Variants in MFHAS1 observed in about 807,000 individuals in gnomAD.
MFHAS1 encodes multifunctional ROCO family signaling regulator 1, also known as malignant fibrous histiocytoma-amplified sequence 1.
A neutral mutation model predicts 70.4 loss-of-function variants in MFHAS1; 50 were observed. The observed-to-expected ratio is 0.71, with a 90% confidence interval of 0.57 to 0.90. The LOEUF (loss-of-function observed/expected upper bound fraction) is 0.90. Ranked by LOEUF, MFHAS1 falls within the 40% of genes least tolerant of loss-of-function variation. The probability of loss-of-function intolerance (pLI) is 0.00; values close to 1 mark genes in which losing one functional copy is unlikely to be tolerated. For missense variants in MFHAS1, 1,795 were observed against 1,347.6 expected (o/e 1.33, Z -5.20); for synonymous variants, 952 against 620.0 (o/e 1.54, Z -7.96).
At chr8:8,808,245 GT>G (rs1806407519) in intron 1 of MFHAS1, among the ~76,000 whole-genome samples, 1 of 150,972 alleles carries the variant, frequency 6.6e-6, no homozygotes, top group Non-Finnish European at 1.5e-5. Context: ...TCTGCCCAGT[GT>G]CCCCACACTG....
intron 1 of MFHAS1, among the ~76,000 whole-genome samples, chr8:8,866,858 A>G (rs1006161032): frequency 1.3e-5 from 2 of 152,268 alleles, no homozygotes; most frequent in Admixed American, 6.5e-5. Context: ...TAAAATCGTG[A>G]TATGAATTCA....
chr8:8,837,568 A>T (rs1807644011), intron 1 of MFHAS1, among the ~76,000 whole-genome samples: 1 of 152,050 alleles, frequency 6.6e-6, no homozygotes, highest in Non-Finnish European at 1.5e-5. Flanking sequence ...CCTTGAACCC[A>T]GGAGGCGGAG....
intron 1 of MFHAS1, among the ~76,000 whole-genome samples, chr8:8,817,124 T>C (rs916305144): frequency 6.6e-6 from 1 of 152,188 alleles, no homozygotes; most frequent in Non-Finnish European, 1.5e-5. Context: ...AGCAATCTAG[T>C]GGCAGACTCC....
chr8:8,861,866 A>G (rs1808674713), intron 1 of MFHAS1, among the ~76,000 whole-genome samples: 1 of 152,198 alleles, frequency 6.6e-6, no homozygotes, highest in Admixed American at 6.5e-5. Context: ...AATGCTTTTG[A>G]GAGTCATCCA....
intron 1 of MFHAS1, among the ~76,000 whole-genome samples, chr8:8,848,458 A>C (rs1808114511): frequency 6.6e-6 from 1 of 152,070 alleles, no homozygotes; most frequent in African/African-American, 2.4e-5. Flanking sequence ...CTGCAGGCAA[A>C]GGAATAAAAG....
chr8:8,785,002 C>G lies in MFHAS1; in HGVS notation c.*1020G>C, dbSNP rs749517565. 1.3e-5 allele frequency: 2 copies of G among 152,170 alleles called. No individual in the cohort carries two copies. The highest frequency in any genetic ancestry group is 4.8e-5 in the African/African-American group (2 of 41,428). The allele number at this position is 152,170 out of a possible 1,614,324, so 9.4% of individuals were successfully genotyped here. ...GAGCCTAAATTCACAACCTTAAGAT[C>G]TGACAGCCAGATGTGGAAGGTCTAC... is the stretch of plus-strand genomic sequence containing the variant. On this transcript the variant is annotated 3_prime_UTR_variant, in exon 3 of 3. Coordinates refer to ENST00000276282, the MANE Select transcript of MFHAS1 (RefSeq NM_004225.3).
chr8:8,797,095 G>T (rs1805929686), intron 2 of MFHAS1, among the ~76,000 whole-genome samples: 2 of 149,612 alleles, frequency 1.3e-5, no homozygotes, highest in African/African-American at 5.0e-5. Flanking sequence ...ACTGTGGTAT[G>T]TGAATGACAT....
chr8:8,812,269 A>C (rs2117285328), intron 1 of MFHAS1, among the ~76,000 whole-genome samples: 1 of 152,214 alleles, frequency 6.6e-6, no homozygotes, highest in South Asian at 2.1e-4. Context: ...TTAGTGGTTC[A>C]GGGGTGTGGG....
intron 1 of MFHAS1, among the ~76,000 whole-genome samples, chr8:8,819,502 G>A (rs2117299277): frequency 6.6e-6 from 1 of 151,796 alleles, no homozygotes; most frequent in East Asian, 1.9e-4. Context: ...CTACTCGGGA[G>A]GCTGAGGCAG....
chr8:8,810,914 C>G (rs997301178), intron 1 of MFHAS1, among the ~76,000 whole-genome samples: 1 of 152,134 alleles, frequency 6.6e-6, no homozygotes. Context: ...ACTGGGAGGT[C>G]TGGTAGAGCT....
chr8:8,823,182 G>A (rs910231762), intron 1 of MFHAS1, among the ~76,000 whole-genome samples: 2 of 152,112 alleles, frequency 1.3e-5, no homozygotes, highest in Admixed American at 1.3e-4. Flanking sequence ...AACTACAAAC[G>A]GTTTTTCTCA....
intron 1 of MFHAS1, among the ~76,000 whole-genome samples, chr8:8,845,617 C>T (rs1329453831): frequency 1.3e-5 from 2 of 152,132 alleles, no homozygotes; most frequent in East Asian, 1.9e-4. Flanking sequence ...TAGTCTTTAT[C>T]CTGAATTTTC....
chr8:8,888,190 A>G (rs375579413), intron 1 of MFHAS1, among the ~76,000 whole-genome samples: 63 of 152,396 alleles, frequency 4.1e-4, no homozygotes, highest in African/African-American at 1.4e-3. Flanking sequence ...TGGATGTCTC[A>G]GTTGACTGGT....
intron 1 of MFHAS1, among the ~76,000 whole-genome samples, chr8:8,835,758 A>G (rs1807573048): frequency 6.6e-6 from 1 of 152,248 alleles, no homozygotes; most frequent in South Asian, 2.1e-4. Flanking sequence ...AGAAGAGTCA[A>G]TATTCAGACC....
intron 1 of MFHAS1, among the ~76,000 whole-genome samples, chr8:8,869,233 A>G (rs1223533632): frequency 6.6e-6 from 1 of 152,188 alleles, no homozygotes; most frequent in Admixed American, 6.5e-5. Flanking sequence ...ACAGAACAGG[A>G]TAGCAAAACC....
chr8:8,809,680 G>C (rs1806476557), intron 1 of MFHAS1, among the ~76,000 whole-genome samples: 1 of 152,208 alleles, frequency 6.6e-6, no homozygotes, highest in South Asian at 2.1e-4. Context: ...GGCTAAGGAT[G>C]AGACAAGCTT....
chr8:8,858,323 CA>C, intron 1 of MFHAS1, among the ~76,000 whole-genome samples: 1 of 152,246 alleles, frequency 6.6e-6, no homozygotes, highest in South Asian at 2.1e-4. Context: ...AAGCAAGTCT[CA>C]GATGTCTCCA....
At position 8,892,210 on chromosome 8, in the gene MFHAS1, G is replaced by C; in HGVS notation, c.849C>G (p.Asn283Lys). ...GCGCGGCAGGGAACTCCTCGAAGAG[G>C]TTGGAGGAGAGGTTGAGCATTTTGA... The part of the protein sequence containing the change: ...QRLKMLNLSS[N>K]LFEEFPAALL... The change falls in exon 1 of 3, where the codon AAC becomes AAG. Residue 283 changes from asparagine (N) to lysine (K), a missense_variant. Transcript: ENST00000276282. This position sits in a 1 kb window ranked among gnomAD's most constrained non-coding sequence, Gnocchi z 4.7. 2 of 1,610,558 alleles carry C rather than the reference G, an allele frequency of 1.2e-6. No individual in the cohort carries two copies. Among genetic ancestry groups the C allele is most frequent in the Non-Finnish European group, 1.7e-6 (2 of 1,180,012 alleles).
chr8:8,851,204 A>C (rs440788), intron 1 of MFHAS1, among the ~76,000 whole-genome samples: 108,291 of 152,114 alleles, frequency 0.71, 39,309 homozygotes, highest in East Asian at 0.85. Flanking sequence ...GAATGTGCAC[A>C]CTTCATTTGT....
Sources: gnomAD v4.1 joint callset for allele counts (sites outside exome capture counted in the v4.1 genomes callset) on GRCh38, gnomAD v4.1.1 for gene constraint, Gnocchi (gnomAD v3.1) non-coding constraint, MANE v1.5 for transcripts, NCBI Gene and HGNC (gene_info 2026-07-23, HGNC 2026-07-21) for gene names.